Variants in GPHN observed in about 807,000 individuals in gnomAD.
GPHN encodes gephyrin.
A neutral mutation model predicts 95.5 loss-of-function variants in GPHN; 17 were observed. That is an observed-to-expected ratio of 0.18 (90% CI 0.12 to 0.27). The LOEUF (loss-of-function observed/expected upper bound fraction) is 0.27, where lower values mean the gene tolerates loss of function less well. Among genes scored for constraint, GPHN ranks in the 10% least tolerant of loss-of-function variants. The pLI is 1.00. For missense variants in GPHN, 660 were observed against 978.1 expected, an observed-to-expected ratio of 0.67 and a Z score of 4.34; for synonymous variants, 320 against 322.5, an observed-to-expected ratio of 0.99 and a Z score of 0.08.
chr14:67,505,178 C>G, the GPHN span, among the ~76,000 whole-genome samples: 1 of 152,082 alleles, frequency 6.6e-6, no homozygotes, highest in Non-Finnish European at 1.5e-5. Flanking sequence ...GCAAGGGCCC[C>G]TCTCTCAAGC....
chr14:67,397,912 A>G, the GPHN span: 1 of 1,087,988 alleles, frequency 9.2e-7, no homozygotes, highest in Non-Finnish European at 1.3e-6. Flanking sequence ...GGCACAAGTA[A>G]CCAGACTGTG....
chr14:67,580,995 T>C, the GPHN span: 2 of 1,613,556 alleles, frequency 1.2e-6, no homozygotes, highest in Non-Finnish European at 1.7e-6. Flanking sequence ...CCCCGGAAAG[T>C]CTGAGGGTGG....
At chr14:67,734,133 G>C in the GPHN span, 7 of 339,342 alleles carry the variant, frequency 2.1e-5, no homozygotes, top group African/African-American at 1.3e-4. Context: ...GCTGGGCATG[G>C]GGGTGGCAGA....
At chr14:67,203,423 CAA>C in the GPHN span, 1 of 685,084 alleles carries the variant, frequency 1.5e-6, no homozygotes, top group Non-Finnish European at 2.3e-6. Flanking sequence ...CTGCAAATGA[CAA>C]AGAGGAGCAT....
chr14:66,518,094 C>CAAAT (rs144895971), intron 1 of GPHN, among the ~76,000 whole-genome samples: 3,913 of 143,892 alleles, frequency 0.027, 76 homozygotes, highest in African/African-American at 0.045. Flanking sequence ...TCTTAACAGC[C>CAAAT]AAATAAATAA....
the GPHN span, chr14:67,645,726 ACACACC>A: frequency 6.2e-7 from 1 of 1,614,054 alleles, no homozygotes; most frequent in Admixed American, 1.7e-5. Context: ...GCTGACATCA[ACACACC>A]CCTTACCACT....
At chr14:66,959,605 C>T (rs528876668) in intron 8 of GPHN, among the ~76,000 whole-genome samples, 20 of 152,174 alleles carry the variant, frequency 1.3e-4, no homozygotes, top group South Asian at 8.3e-4. Flanking sequence ...TGCTTTCTGA[C>T]TGTCATGGTT....
intron 2 of GPHN, among the ~76,000 whole-genome samples, chr14:66,758,592 G>C (rs974848103): frequency 6.6e-6 from 1 of 152,124 alleles, no homozygotes; most frequent in East Asian, 1.9e-4. Flanking sequence ...ATGAAAAAAG[G>C]GGGTAAGGAC....
chr14:67,505,178 C>T, the GPHN span, among the ~76,000 whole-genome samples: 1 of 152,082 alleles, frequency 6.6e-6, no homozygotes, highest in African/African-American at 2.4e-5. Context: ...GCAAGGGCCC[C>T]TCTCTCAAGC....
chr14:66,654,527 C>T (rs556257546), intron 1 of GPHN, among the ~76,000 whole-genome samples: 2 of 152,088 alleles, frequency 1.3e-5, no homozygotes, highest in East Asian at 1.9e-4. Flanking sequence ...TTGTCATGTT[C>T]GAGGGTTCTT....
chr14:67,621,073 T>C, the GPHN span: 1 of 1,052,674 alleles, frequency 9.5e-7, no homozygotes. Flanking sequence ...GGGAACAGTC[T>C]GCCACATCCC....
At chr14:67,733,959 T>G in the GPHN span, 8 of 743,368 alleles carry the variant, frequency 1.1e-5, no homozygotes, top group South Asian at 1.2e-4. Flanking sequence ...GTGCTGCGAA[T>G]CCTGCCTGCT....
At chr14:67,035,804 T>C (rs1257206623) in intron 10 of GPHN, among the ~76,000 whole-genome samples, 2 of 151,918 alleles carry the variant, frequency 1.3e-5, no homozygotes, top group African/African-American at 4.8e-5. Flanking sequence ...CCAGATGGCT[T>C]CACTAGAGAA....
chr14:66,978,720 C>T (rs2070431948), intron 9 of GPHN, among the ~76,000 whole-genome samples: 1 of 152,128 alleles, frequency 6.6e-6, no homozygotes, highest in Non-Finnish European at 1.5e-5. Context: ...TCTGGGCTCC[C>T]ATGAACCAAA....
chr14:67,326,848 A>G, the GPHN span, among the ~76,000 whole-genome samples: 2 of 152,220 alleles, frequency 1.3e-5, no homozygotes, highest in Admixed American at 6.5e-5. Flanking sequence ...ATATACCACA[A>G]TTTATCCATT....
rs111644239 is a variant in GPHN, at chr14:66,818,681, G to C, written c.202-5793G>C. Among the ~76,000 whole-genome samples, 470 of 152,266 alleles carry C rather than the reference G, an allele frequency of 3.1e-3. 11 individuals carry two copies. Among genetic ancestry groups the C allele is most frequent in the African/African-American group, 0.011 (445 of 41,558 alleles). On this transcript the variant is annotated intron_variant, in intron 3 of 22. Coordinates refer to ENST00000478722, the MANE Select transcript of GPHN (RefSeq NM_020806.5). ...TAGGTCTTTGAGGAATCGCGACACT[G>C]TCTTCCACAATGGTTGAACTAATTT...
intron 1 of GPHN, among the ~76,000 whole-genome samples, chr14:66,605,979 C>A (rs1023708400): frequency 3.9e-5 from 6 of 152,066 alleles, no homozygotes; most frequent in Admixed American, 6.6e-5. Context: ...TTTTTCTGTG[C>A]AGAGCTATTT....
chr14:66,559,309 A>C (rs1194826335), intron 1 of GPHN, among the ~76,000 whole-genome samples: 1 of 147,868 alleles, frequency 6.8e-6, no homozygotes, highest in Non-Finnish European at 1.5e-5. Flanking sequence ...CTGAGGAATC[A>C]CCACACTGAC....
intron 1 of GPHN, among the ~76,000 whole-genome samples, chr14:66,559,569 CA>C (rs1162143349): frequency 6.6e-6 from 1 of 151,738 alleles, no homozygotes; most frequent in Non-Finnish European, 1.5e-5. Context: ...GTCCTACACC[CA>C]GTTTTTGATG....
Sources: gnomAD v4.1 joint callset for allele counts (sites outside exome capture counted in the v4.1 genomes callset) on GRCh38, gnomAD v4.1.1 for gene constraint, MANE v1.5 for transcripts, NCBI Gene and HGNC (gene_info 2026-07-23, HGNC 2026-07-21) for gene names.